DNAJC7: variants seen among roughly 807,000 people sequenced by gnomAD.
DNAJC7 encodes dnaJ homolog subfamily C member 7.
In DNAJC7, 18 loss-of-function variants were observed where a neutral mutation model predicts 67.4. That is an observed-to-expected ratio of 0.27 (90% confidence interval 0.18 to 0.40). The LOEUF (loss-of-function observed/expected upper bound fraction) is 0.40. Among genes scored for constraint, DNAJC7 ranks in the 10% least tolerant of loss-of-function variants. DNAJC7 has a pLI of 1.00. For missense variants in DNAJC7, 419 were observed against 613.8 expected, an observed-to-expected ratio of 0.68 and a Z score of 3.35; for synonymous variants, 220 against 207.8, an observed-to-expected ratio of 1.06 and a Z score of -0.50.
At chr17:41,989,189 CTTAGATA>C (rs1195316045) in intron 7 of DNAJC7, among the ~76,000 whole-genome samples, 1 of 152,222 alleles carries the variant, frequency 6.6e-6, no homozygotes, top group Admixed American at 6.5e-5. Flanking sequence ...AAAAAACCCT[CTTAGATA>C]TTAAAGGCAT....
intron 12 of DNAJC7, among the ~76,000 whole-genome samples, chr17:41,979,977 C>T (rs1471737458): frequency 6.6e-6 from 1 of 151,196 alleles, no homozygotes; most frequent in Non-Finnish European, 1.5e-5. Flanking sequence ...CAAAACAAAA[C>T]AAAAAACAAA....
intron 4 of DNAJC7, 35 bp from the exon 5 acceptor site, chr17:41,994,979 TGAAG>T (rs781839253): frequency 6.3e-7 from 1 of 1,588,506 alleles, no homozygotes; most frequent in African/African-American, 1.3e-5. Flanking sequence ...AAAGTTTTAA[TGAAG>T]CTGTAGATTA....
intron 9 of DNAJC7, 63 bp from the exon 10 acceptor site, chr17:41,983,699 C>G: frequency 6.9e-7 from 1 of 1,456,092 alleles, no homozygotes; most frequent in Non-Finnish European, 9.4e-7. Flanking sequence ...CTCAGGATCA[C>G]TCTAGGGCAA....
chr17:41,982,081 C>T lies in DNAJC7; in HGVS notation c.1232-74G>A. 3 of 1,582,688 alleles carry T rather than the reference C, an allele frequency of 1.9e-6. No individual in the cohort carries two copies. The South Asian group carries it at 3.5e-5, about 18-fold the overall frequency. ...AAAACAAAGTTTAAGAGAAAAACTACTTTCTGTCTAATTTTGGAATTTGGC... is the reference window on the plus strand; with the variant it reads ...AAAACAAAGTTTAAGAGAAAAACTATTTTCTGTCTAATTTTGGAATTTGGC... On this transcript the variant is annotated intron_variant, in intron 11 of 13. Transcript: ENST00000457167.
intron 1 of DNAJC7, among the ~76,000 whole-genome samples, chr17:42,006,954 T>C (rs1555650410): frequency 6.6e-6 from 1 of 151,524 alleles, no homozygotes; most frequent in Non-Finnish European, 1.5e-5. Flanking sequence ...AAAAAAGGAT[T>C]AGCCAGGCAA....
rs782178627 is a variant in DNAJC7, at chr17:41,983,594, A to G, written c.1053T>C (p.Tyr351=). The change falls in exon 10 of 14, where the codon TAT becomes TAC. Residue 351 remains tyrosine (Y), a synonymous_variant. Coordinates refer to ENST00000457167, the MANE Select transcript of DNAJC7 (RefSeq NM_003315.4). ...TEQYEEAVRD[Y]EKVYQTEKTK... Reference sequence around the variant, plus strand: ...TTTTCTCTGTCTGGTATACTTTTTCATAGTCTCGTACTGCTTCTTCATACT... The same window carrying G: ...TTTTCTCTGTCTGGTATACTTTTTCGTAGTCTCGTACTGCTTCTTCATACT... The G allele has an allele frequency of 1.6e-4, 256 of 1,600,638 alleles. No homozygotes were observed. The highest frequency in any genetic ancestry group is 2.1e-4 in the Non-Finnish European group (251 of 1,172,704).
At chr17:41,989,216 T>A (rs1449586694) in intron 7 of DNAJC7, among the ~76,000 whole-genome samples, 188 bp downstream of exon 7, 2 of 152,246 alleles carry the variant, frequency 1.3e-5, no homozygotes, top group Admixed American at 1.3e-4. Context: ...TCCGACCCTA[T>A]ATGATCACAT....
intron 9 of DNAJC7, chr17:41,986,088 G>A (rs894288266): frequency 4.4e-5 from 4 of 91,184 alleles, no homozygotes; most frequent in African/African-American, 5.9e-5. Context: ...AAGGCCGGGC[G>A]CGGTGGCTCA....
chr17:41,979,955 C>CG (rs1465721191), intron 12 of DNAJC7, among the ~76,000 whole-genome samples: 2 of 151,678 alleles, frequency 1.3e-5, no homozygotes, highest in Non-Finnish European at 2.9e-5. Flanking sequence ...AGCAAGACTC[C>CG]GTCTCAAAAA....
At chr17:42,009,716 G>C (rs186593806) in intron 1 of DNAJC7, among the ~76,000 whole-genome samples, 1 of 152,262 alleles carries the variant, frequency 6.6e-6, no homozygotes, top group Admixed American at 6.5e-5. Flanking sequence ...TTCAGCATTA[G>C]CCAGAGGCTT....
intron 1 of DNAJC7, among the ~76,000 whole-genome samples, chr17:42,005,649 G>C (rs1227208171): frequency 2.0e-5 from 3 of 152,212 alleles, no homozygotes; most frequent in Non-Finnish European, 2.9e-5. Flanking sequence ...AAACAGACTA[G>C]CATGGTTTCA....
chr17:41,997,449 T>C (rs1314562633), intron 2 of DNAJC7, among the ~76,000 whole-genome samples: 2 of 142,736 alleles, frequency 1.4e-5, no homozygotes, highest in East Asian at 4.1e-4. Flanking sequence ...AAAAAAAAAA[T>C]AGCTGGGCGT....
chr17:42,013,466 A>C (rs148692573), intron 1 of DNAJC7: 1 of 152,376 alleles, frequency 6.6e-6, no homozygotes, highest in Non-Finnish European at 1.5e-5. Context: ...TTAAGCCAAG[A>C]CGTAAGGAAG....
intron 9 of DNAJC7, 100 bp from the exon 10 acceptor site, chr17:41,983,736 C>T (rs2051306735): frequency 2.0e-6 from 2 of 1,011,826 alleles, no homozygotes; most frequent in Middle Eastern, 2.1e-4. Flanking sequence ...AAGAGACACA[C>T]ACTTCTGGTA....
At chr17:41,986,281 G>T (rs932783838) in intron 9 of DNAJC7, among the ~76,000 whole-genome samples, 1 of 151,892 alleles carries the variant, frequency 6.6e-6, no homozygotes, top group African/African-American at 2.4e-5. Flanking sequence ...CAGGAAATTC[G>T]CTTGAACTCA....
At chr17:41,995,824 T>C (rs2051641448) in intron 4 of DNAJC7, among the ~76,000 whole-genome samples, 1 of 152,232 alleles carries the variant, frequency 6.6e-6, no homozygotes, top group South Asian at 2.1e-4. Flanking sequence ...TTTTATTTTT[T>C]TGAGACAGGT....
Position 41,989,395 on chromosome 17 carries a change from A to T in DNAJC7, c.753+9T>A. On this transcript the variant is annotated intron_variant, in intron 7 of 13. Coordinates refer to ENST00000457167, the MANE Select transcript of DNAJC7 (RefSeq NM_003315.4). ...TCTTTCCCAGTTAGGTCTGGTGACTAGAACTTACTCTGCAGGCAATGCAGG... is the reference window on the plus strand; with the variant it reads ...TCTTTCCCAGTTAGGTCTGGTGACTTGAACTTACTCTGCAGGCAATGCAGG... 6.2e-7 allele frequency: 1 copy of T among 1,613,700 alleles called. No homozygotes were observed. Among genetic ancestry groups the T allele is most frequent in the African/African-American group, 1.3e-5 (1 of 75,056 alleles).
intron 1 of DNAJC7, among the ~76,000 whole-genome samples, chr17:42,009,655 C>T (rs989380235): frequency 6.6e-6 from 1 of 152,234 alleles, no homozygotes; most frequent in Non-Finnish European, 1.5e-5. Context: ...GAAGCTACTT[C>T]TGGGAAACAT....
chr17:42,003,898 A>C (rs1412696296), intron 1 of DNAJC7, among the ~76,000 whole-genome samples: 1 of 147,342 alleles, frequency 6.8e-6, no homozygotes, highest in Non-Finnish European at 1.5e-5. Context: ...CAACTACAAT[A>C]TATTTCTAGT....
Sources: gnomAD v4.1 joint callset for allele counts (sites outside exome capture counted in the v4.1 genomes callset) on GRCh38, gnomAD v4.1.1 for gene constraint, MANE v1.5 for transcripts, NCBI Gene and HGNC (gene_info 2026-07-23, HGNC 2026-07-21) for gene names.